HSDL2: variants seen among roughly 807,000 people sequenced by gnomAD.
The protein encoded by HSDL2 is hydroxysteroid dehydrogenase-like protein 2.
HSDL2 carries 27 observed loss-of-function variants against 46.3 expected under a neutral mutation model. The observed-to-expected ratio is 0.58, with a 90% CI of 0.43 to 0.80. The LOEUF is 0.80. Among genes scored for constraint, HSDL2 ranks in the 30% least tolerant of loss-of-function variants. HSDL2 has a pLI of 0.00. For missense variants in HSDL2, 451 were observed against 502.7 expected, an observed-to-expected ratio of 0.90 and a Z score of 0.98; for synonymous variants, 153 against 163.6, an observed-to-expected ratio of 0.94 and a Z score of 0.50.
At chr9:112,452,944 G>C (rs1832923244) in intron 8 of HSDL2, among the ~76,000 whole-genome samples, 1 of 152,190 alleles carries the variant, frequency 6.6e-6, no homozygotes, top group Admixed American at 6.5e-5. Flanking sequence ...AGGGCAGCCT[G>C]TTAGTCAGGG....
At chr9:112,462,773 A>G (rs548967284) in intron 10 of HSDL2, among the ~76,000 whole-genome samples, 10 of 152,334 alleles carry the variant, frequency 6.6e-5, no homozygotes, top group South Asian at 2.1e-4. Flanking sequence ...TTACACAGCC[A>G]TAACTACAGT....
At position 112,450,261 on chromosome 9, in the gene HSDL2, C is replaced by CACCG. The variant is rs1554714615; in HGVS notation, c.866-3752_866-3751insACCG. ...CCTGGGCAACATAGCGAGACCCCCC[C>CACCG]CCCATCTCTACCAATAGAAAAAAAT... On this transcript the variant is annotated intron_variant, in intron 8 of 10. Coordinates refer to ENST00000398805, the MANE Select transcript of HSDL2 (RefSeq NM_032303.5). 5.5e-3 allele frequency among the ~76,000 whole-genome samples: 717 copies of CACCG among 130,314 alleles called. 21 individuals carry two copies. Among genetic ancestry groups the CACCG allele is most frequent in the African/African-American group, 0.02 (652 of 32,542 alleles). 85.5% of individuals were successfully genotyped at this position (130,314 alleles called of 152,430 possible).
intron 1 of HSDL2, among the ~76,000 whole-genome samples, chr9:112,388,385 T>C (rs1831263608): frequency 7.1e-6 from 1 of 140,572 alleles, no homozygotes; most frequent in Non-Finnish European, 1.5e-5. Context: ...CACTTGAACG[T>C]GGGAGGCAGA....
At chr9:112,466,454 G>A (rs185999763) in intron 10 of HSDL2, among the ~76,000 whole-genome samples, 81 of 152,080 alleles carry the variant, frequency 5.3e-4, no homozygotes, top group African/African-American at 1.9e-3. Flanking sequence ...TCAGGAGGCT[G>A]AGGCAGGAGA....
intron 4 of HSDL2, among the ~76,000 whole-genome samples, chr9:112,410,471 A>T (rs1221798199): frequency 6.6e-6 from 1 of 152,258 alleles, no homozygotes; most frequent in East Asian, 1.9e-4. Flanking sequence ...AAATGGCAAT[A>T]ATACAGTAAT....
chr9:112,418,936 C>A lies in HSDL2; in HGVS notation c.576C>A (p.Val192=). Residue 192 remains valine (V), a synonymous_variant, in exon 6 of 11, where the codon GTC becomes GTA. Transcript: ENST00000398805. The part of the protein sequence containing the change: ...MAEEFKGEIA[V]NALWPKTAIH... ...AAGAATTTAAAGGTGAAATTGCAGT[C>A]AATGCATTATGGCCTAAAACAGGTA... 1.3e-6 allele frequency: 2 copies of A among 1,596,146 alleles called. No individual in the cohort carries two copies. The highest frequency in any genetic ancestry group is 2.2e-5 in the South Asian group (2 of 90,628).
chr9:112,380,128 C>G lies in HSDL2; in HGVS notation c.-36C>G, dbSNP rs1420207677. ...GCTTTAGCTCTCTGCTCGCCGCCGCCGCTGTCGCCGCCACCTCCTCTGATC... is the reference window on the plus strand; with the variant it reads ...GCTTTAGCTCTCTGCTCGCCGCCGCGGCTGTCGCCGCCACCTCCTCTGATC... On this transcript the variant is annotated 5_prime_UTR_variant, in exon 1 of 11. Coordinates refer to ENST00000398805, the MANE Select transcript of HSDL2 (RefSeq NM_032303.5). 5 of 1,551,384 alleles carry G rather than the reference C, an allele frequency of 3.2e-6. No homozygotes were observed. The highest frequency in any genetic ancestry group is 4.4e-6 in the Non-Finnish European group (5 of 1,144,136).
chr9:112,408,803 A>G (rs868619682), intron 3 of HSDL2, 104 bp from the exon 4 acceptor site: 3 of 604,998 alleles, frequency 5.0e-6, no homozygotes, highest in Non-Finnish European at 5.9e-6. Flanking sequence ...GGTGTGGTAC[A>G]TGACTGTATT....
At chr9:112,466,474 A>G (rs900839583) in intron 10 of HSDL2, among the ~76,000 whole-genome samples, 2 of 151,152 alleles carry the variant, frequency 1.3e-5, no homozygotes, top group African/African-American at 4.9e-5. Flanking sequence ...AATCGCTTGA[A>G]CCCAGGAGGC....
chr9:112,392,826 T>C (rs1196273550), intron 1 of HSDL2, among the ~76,000 whole-genome samples: 2 of 152,194 alleles, frequency 1.3e-5, no homozygotes, highest in Non-Finnish European at 2.9e-5. Flanking sequence ...CATCCTCAGC[T>C]TACAAAGATA....
At chr9:112,461,927 G>A (rs1192147103) in intron 10 of HSDL2, among the ~76,000 whole-genome samples, 1 of 152,200 alleles carries the variant, frequency 6.6e-6, no homozygotes, top group African/African-American at 2.4e-5. Context: ...TTCACTGGAT[G>A]AGGCCAGTCA....
At chr9:112,426,765 G>A (rs1832255358) in intron 6 of HSDL2, among the ~76,000 whole-genome samples, 1 of 152,174 alleles carries the variant, frequency 6.6e-6, no homozygotes, top group African/African-American at 2.4e-5. Context: ...TCTTAGCTGT[G>A]TGAGCTGCAG....
intron 1 of HSDL2, among the ~76,000 whole-genome samples, chr9:112,380,850 G>T (rs77925810): frequency 6.6e-6 from 1 of 152,018 alleles, no homozygotes; most frequent in Non-Finnish European, 1.5e-5. Context: ...ACCTCCGCTC[G>T]TACATTGGCA....
At chr9:112,410,014 C>T (rs1831823600) in intron 4 of HSDL2, among the ~76,000 whole-genome samples, 1 of 151,120 alleles carries the variant, frequency 6.6e-6, no homozygotes, top group African/African-American at 2.4e-5. Flanking sequence ...TGAAAAAGAC[C>T]TGGCGTTAAA....
intron 10 of HSDL2, among the ~76,000 whole-genome samples, chr9:112,464,796 A>G (rs1312664595): frequency 6.6e-6 from 1 of 152,132 alleles, no homozygotes; most frequent in Non-Finnish European, 1.5e-5. Flanking sequence ...GAAACCTCCC[A>G]CCCATTAGCG....
chr9:112,415,940 C>T (rs927973013), intron 4 of HSDL2, among the ~76,000 whole-genome samples: 1 of 152,070 alleles, frequency 6.6e-6, no homozygotes, highest in Non-Finnish European at 1.5e-5. Flanking sequence ...AACCCCGTCT[C>T]TACTAAAAAT....
chr9:112,431,392 T>C (rs1021825802), intron 6 of HSDL2, among the ~76,000 whole-genome samples: 1 of 151,870 alleles, frequency 6.6e-6, no homozygotes, highest in African/African-American at 2.4e-5. Context: ...CATTGAAAGG[T>C]TGGGAAGAAG....
chr9:112,414,355 C>T (rs566992099), intron 4 of HSDL2, among the ~76,000 whole-genome samples: 1 of 152,244 alleles, frequency 6.6e-6, no homozygotes, highest in East Asian at 1.9e-4. Flanking sequence ...TTTGAAACCC[C>T]AAGTAAGTAA....
chr9:112,466,511 C>T (rs768716478), intron 10 of HSDL2, among the ~76,000 whole-genome samples: 11 of 151,068 alleles, frequency 7.3e-5, no homozygotes, highest in Non-Finnish European at 5.9e-5. Context: ...CAAGATCACG[C>T]CATTGCACTC....
Sources: allele counts gnomAD v4.1 joint callset (sites outside exome capture counted in the v4.1 genomes callset), GRCh38; gene constraint gnomAD v4.1.1; transcripts MANE v1.5; gene names NCBI Gene and HGNC (gene_info 2026-07-23, HGNC 2026-07-21).